Variants in NFKB1 observed in about 807,000 individuals in gnomAD.
The protein encoded by NFKB1 is nuclear factor NF-kappa-B p105 subunit.
NFKB1 carries 9 observed loss-of-function variants against 105.1 expected under a neutral mutation model. The observed-to-expected ratio is 0.09, with a 90% CI of 0.05 to 0.15. The LOEUF (loss-of-function observed/expected upper bound fraction) is 0.15, where lower values mean the gene tolerates loss of function less well. NFKB1 is among the 10% of genes least tolerant of loss of function. The pLI, the probability that NFKB1 is intolerant of heterozygous loss-of-function variation, is 1.00. For missense variants in NFKB1, 830 were observed against 1,203.7 expected (o/e 0.69, Z 4.59); for synonymous variants, 440 against 442.2 (o/e 1.00, Z 0.06).
At chr4:102,562,244 C>T (rs975215616) in intron 5 of NFKB1, among the ~76,000 whole-genome samples, 2 of 152,176 alleles carry the variant, frequency 1.3e-5, no homozygotes, top group Admixed American at 1.3e-4. Flanking sequence ...TTCAGATCTC[C>T]ACCCTCAGTA....
rs556405099 is a variant in NFKB1 at position 102,507,170 on chromosome 4, G to A, written c.-8+5382G>A. The stretch of plus-strand genomic sequence containing the variant: ...AGCCGTCATTGTTGAAAAGTACTCC[G>A]AAGATTAATAGCGGCAGTGTTTGTT... On this transcript the variant is annotated intron_variant, in intron 1 of 23. Transcript: ENST00000226574. Among the ~76,000 whole-genome samples the A allele has an allele frequency of 2.6e-3, 393 of 151,878 alleles. 2 individuals are homozygous for A. Among genetic ancestry groups the A allele is most frequent in the Non-Finnish European group, 4.8e-3 (326 of 67,940 alleles).
intron 5 of NFKB1, among the ~76,000 whole-genome samples, chr4:102,549,029 G>GC: frequency 6.6e-6 from 1 of 152,208 alleles, no homozygotes; most frequent in South Asian, 2.1e-4. Context: ...TAAGCCAGTA[G>GC]CCCTACGAGT....
chr4:102,543,036 G>A (rs1003684575), intron 5 of NFKB1, among the ~76,000 whole-genome samples: 4 of 151,920 alleles, frequency 2.6e-5, no homozygotes, highest in Non-Finnish European at 5.9e-5. Flanking sequence ...ATTTCATCAC[G>A]GAGCTCCTAA....
intron 23 of NFKB1, among the ~76,000 whole-genome samples, chr4:102,615,033 G>T (rs1047813984): frequency 2.0e-5 from 3 of 152,034 alleles, no homozygotes; most frequent in Admixed American, 1.3e-4. Flanking sequence ...CCAAATTCTT[G>T]CACGGCTCCT....
exon 24 of NFKB1, chr4:102,617,301 CACCTT>C (rs1729027013): frequency 6.6e-6 from 1 of 152,630 alleles, no homozygotes; most frequent in South Asian, 2.1e-4. Flanking sequence ...TTGATGACCT[CACCTT>C]GTTTGATCTG....
chr4:102,584,872 T>G, intron 11 of NFKB1, 52 bp downstream of exon 11: 10 of 1,519,996 alleles, frequency 6.6e-6, no homozygotes, highest in Non-Finnish European at 8.9e-6. Context: ...ATTTTATTTT[T>G]GGTTTTTGTT....
chr4:102,547,455 G>C (rs1560661413), intron 5 of NFKB1, among the ~76,000 whole-genome samples: 1 of 152,132 alleles, frequency 6.6e-6, no homozygotes, highest in Non-Finnish European at 1.5e-5. Context: ...AGGTTTTAAA[G>C]CATTGGCTCT....
chr4:102,599,667 G>A (rs932555150), intron 15 of NFKB1, among the ~76,000 whole-genome samples: 3 of 152,190 alleles, frequency 2.0e-5, no homozygotes, highest in African/African-American at 7.2e-5. Flanking sequence ...GCCTGGGCTT[G>A]AATCCCAGCT....
At chr4:102,573,191 C>T (rs777384155) in intron 6 of NFKB1, among the ~76,000 whole-genome samples, 3 of 152,018 alleles carry the variant, frequency 2.0e-5, no homozygotes, top group Non-Finnish European at 2.9e-5. Flanking sequence ...GCCTGTAATC[C>T]CAGCTACTCG....
At chr4:102,503,479 T>A (rs1252131951) in intron 1 of NFKB1, 1 of 152,136 alleles carries the variant, frequency 6.6e-6, no homozygotes, top group African/African-American at 2.4e-5. Context: ...TCTTTGAGAC[T>A]TTTTAAAGAA....
chr4:102,548,632 G>A (rs67128625), intron 5 of NFKB1, among the ~76,000 whole-genome samples: 2,707 of 152,276 alleles, frequency 0.018, 40 homozygotes, highest in African/African-American at 0.045. Context: ...CTGGATGCTA[G>A]AAGTCCAATA....
chr4:102,590,071 G>A (rs1041154604), intron 11 of NFKB1, among the ~76,000 whole-genome samples: 5 of 152,144 alleles, frequency 3.3e-5, no homozygotes, highest in Non-Finnish European at 4.4e-5. Flanking sequence ...TATCTCATCA[G>A]TCACCAGAGG....
chr4:102,535,911 A>C (rs1480056054), intron 4 of NFKB1, among the ~76,000 whole-genome samples: 1 of 150,328 alleles, frequency 6.7e-6, no homozygotes, highest in Non-Finnish European at 1.5e-5. Flanking sequence ...TTTTTTTTTA[A>C]GTTAGAAAAA....
chr4:102,610,638 C>T lies in NFKB1; in HGVS notation c.2291C>T (p.Ala764Val). The T allele has an allele frequency of 6.8e-6, 11 of 1,614,012 alleles. No homozygotes were observed. The highest frequency in any genetic ancestry group is 8.5e-6 in the Non-Finnish European group (10 of 1,179,926). The part of the protein sequence containing the change: ...LYDLDDSWEN[A>V]GEDEGVVPGT... ...GACCTGGATGACTCTTGGGAAAATG[C>T]AGGAGAGGATGAAGGAGTTGTGCCT... is the stretch of plus-strand genomic sequence containing the variant. Residue 764 changes from alanine (A) to valine (V), a missense_variant, in exon 20 of 24, where the codon GCA (alanine) becomes GTA (valine). Coordinates refer to ENST00000226574, the MANE Select transcript of NFKB1 (RefSeq NM_003998.4).
intron 1 of NFKB1, among the ~76,000 whole-genome samples, chr4:102,512,408 G>A (rs1739840524): frequency 6.6e-6 from 1 of 152,164 alleles, no homozygotes; most frequent in Non-Finnish European, 1.5e-5. Context: ...GAATGCAGTG[G>A]CGCAATCATG....
chr4:102,511,138 T>A (rs946043082), intron 1 of NFKB1, among the ~76,000 whole-genome samples: 1 of 152,206 alleles, frequency 6.6e-6, no homozygotes, highest in African/African-American at 2.4e-5. Flanking sequence ...ATAGTACAGT[T>A]GACAGAAATT....
chr4:102,614,750 C>T (rs1414789241), intron 23 of NFKB1, among the ~76,000 whole-genome samples: 1 of 152,042 alleles, frequency 6.6e-6, no homozygotes, highest in East Asian at 1.9e-4. Flanking sequence ...ATTCCTGGCT[C>T]CTCCACAGCA....
At chr4:102,569,821 C>A (rs2149171957) in intron 6 of NFKB1, among the ~76,000 whole-genome samples, 1 of 152,106 alleles carries the variant, frequency 6.6e-6, no homozygotes, top group African/African-American at 2.4e-5. Context: ...ATAGCCAAGT[C>A]TTGATTCTGG....
chr4:102,561,377 C>A (rs1203597219), intron 5 of NFKB1, among the ~76,000 whole-genome samples: 1 of 151,376 alleles, frequency 6.6e-6, no homozygotes, highest in Non-Finnish European at 1.5e-5. Flanking sequence ...GTGAAGGAGC[C>A]TTGCAAGGGG....
Sources: allele counts gnomAD v4.1 joint callset (sites outside exome capture counted in the v4.1 genomes callset), GRCh38; gene constraint gnomAD v4.1.1; transcripts MANE v1.5; gene names NCBI Gene and HGNC (gene_info 2026-07-23, HGNC 2026-07-21).